TRPM6: variants seen among roughly 807,000 people sequenced by gnomAD.
The protein encoded by TRPM6 is transient receptor potential cation channel subfamily M member 6, also known as channel kinase 2.
A neutral mutation model predicts 247.6 loss-of-function variants in TRPM6; 111 were observed. That is an observed-to-expected ratio of 0.45 (90% confidence interval 0.38 to 0.52). The LOEUF is 0.52. Ranked by LOEUF, TRPM6 falls within the 20% of genes least tolerant of loss-of-function variation. The pLI is 0.00. For synonymous variants in TRPM6, 892 were observed against 853.8 expected (o/e 1.04, Z -0.78); for missense variants, 2,126 against 2,421.5 (o/e 0.88, Z 2.56).
At chr9:74,840,563 C>T (rs888924594) in intron 4 of TRPM6, among the ~76,000 whole-genome samples, 1 of 152,170 alleles carries the variant, frequency 6.6e-6, no homozygotes, top group African/African-American at 2.4e-5. Context: ...GCCTGTAATT[C>T]CAGCACTTCG....
intron 11 of TRPM6, among the ~76,000 whole-genome samples, chr9:74,813,269 T>C (rs1266845882): frequency 6.6e-6 from 1 of 152,196 alleles, no homozygotes; most frequent in Non-Finnish European, 1.5e-5. Flanking sequence ...GAGACAAGAA[T>C]GCAACATTTT....
At chr9:74,866,550 C>T (rs533890107) in intron 1 of TRPM6, among the ~76,000 whole-genome samples, 54 of 152,144 alleles carry the variant, frequency 3.5e-4, no homozygotes, top group African/African-American at 1.2e-3. Flanking sequence ...GGCGTGATCT[C>T]GGCTCACTGC....
intron 1 of TRPM6, among the ~76,000 whole-genome samples, chr9:74,878,012 C>T (rs1025413167): frequency 2.0e-5 from 3 of 152,122 alleles, no homozygotes; most frequent in Non-Finnish European, 2.9e-5. Context: ...ACCTGCCCCA[C>T]CCACCACAGT....
chr9:74,779,995 AACT>A (rs1827372515), intron 23 of TRPM6, among the ~76,000 whole-genome samples: 1 of 151,394 alleles, frequency 6.6e-6, no homozygotes, highest in Non-Finnish European at 1.5e-5. Context: ...AATATGGTGA[AACT>A]CTGTCTCTAC....
rs181629787 is a variant in TRPM6 at position 74,738,660 on chromosome 9, G to C, written c.5571-48C>G. 144 of 1,539,924 alleles carry C rather than the reference G, an allele frequency of 9.4e-5. No individual in the cohort carries two copies. In the African/African-American group the frequency reaches 1.8e-3, roughly 19 times the overall value. ...TGATCCCCCACAATACAGCAAAAGTGGGACTTACCTTACTGAGCAGTCATC... is the reference window on the plus strand; with the variant it reads ...TGATCCCCCACAATACAGCAAAAGTCGGACTTACCTTACTGAGCAGTCATC... On this transcript the variant is annotated intron_variant, in intron 35 of 38. Transcript: ENST00000360774.
In TRPM6 at chr9:74,724,275, C is replaced by T. The variant is rs1023678365; in HGVS notation, c.*338G>A. ...GAGAAAATAAAATAAATGTATCCCC[C>T]CCAACCCCATCCTTTAATGTGCAGG... On this transcript the variant is annotated 3_prime_UTR_variant, in exon 39 of 39. Coordinates refer to ENST00000360774, the MANE Select transcript of TRPM6 (RefSeq NM_017662.5). 5.3e-6 allele frequency: 2 copies of T among 377,944 alleles called. No homozygotes were observed. The highest frequency in any genetic ancestry group is 2.5e-5 in the South Asian group (1 of 39,806). The allele number at this position is 377,944 out of a possible 1,614,324, so 23.4% of individuals were successfully genotyped here.
Position 74,739,462 on chromosome 9 carries a change from G to A in TRPM6, c.5488-13C>T, listed in dbSNP as rs374901809. 2.5e-6 allele frequency: 4 copies of A among 1,610,836 alleles called. No individual in the cohort carries two copies. In the African/African-American group the frequency reaches 4.0e-5, roughly 16 times the overall value. ...GTTGTTGAATTTCCTACAAAATAGG[G>A]AGCACTGATAAAAATACTGATTTAC... On this transcript the variant is annotated splice_polypyrimidine_tract_variant and intron_variant, in intron 34 of 38. Transcript: ENST00000360774.
At chr9:74,751,228 C>A (rs1051746290) in intron 29 of TRPM6, among the ~76,000 whole-genome samples, 1 of 152,168 alleles carries the variant, frequency 6.6e-6, no homozygotes, top group African/African-American at 2.4e-5. Context: ...TCAATTATTT[C>A]CTGAGACTTA....
intron 6 of TRPM6, among the ~76,000 whole-genome samples, chr9:74,830,147 CA>C (rs1241649934): frequency 6.6e-6 from 1 of 151,594 alleles, no homozygotes; most frequent in Admixed American, 6.6e-5. Flanking sequence ...CAAAACAAAA[CA>C]AAAAAACTTG....
intron 32 of TRPM6, 77 bp from the exon 33 acceptor site, chr9:74,742,703 T>C: frequency 8.3e-7 from 1 of 1,203,526 alleles, no homozygotes; most frequent in Middle Eastern, 1.9e-4. Flanking sequence ...CACATCAATA[T>C]ATTCATATAA....
At position 74,810,888 on chromosome 9, in the gene TRPM6, G is replaced by T. The variant is rs369359626; in HGVS notation, c.1444-20C>A. The T allele has an allele frequency of 1.9e-6, 3 of 1,606,600 alleles. No homozygotes were observed. The highest frequency in any genetic ancestry group is 1.7e-6 in the Non-Finnish European group (2 of 1,173,584). On this transcript the variant is annotated intron_variant, in intron 12 of 38. Coordinates refer to ENST00000360774, the MANE Select transcript of TRPM6 (RefSeq NM_017662.5). ...TTGTTTCTGAAATAAAGAACAAAAG[G>T]AAGAATTATTCTCTTTAATTACCAT...
At chr9:74,811,399 A>T (rs1201127274) in intron 12 of TRPM6, among the ~76,000 whole-genome samples, 1 of 152,216 alleles carries the variant, frequency 6.6e-6, no homozygotes, top group Non-Finnish European at 1.5e-5. Flanking sequence ...TCAAGAAGAC[A>T]AGACTTGAAT....
chr9:74,824,427 C>CA, intron 7 of TRPM6, among the ~76,000 whole-genome samples: 1 of 142,786 alleles, frequency 7.0e-6, no homozygotes, highest in East Asian at 2.2e-4. Flanking sequence ...GCTGGGACTA[C>CA]AGGGGTGAGC....
intron 30 of TRPM6, among the ~76,000 whole-genome samples, chr9:74,749,690 T>C (rs77226854): frequency 1.3e-5 from 2 of 152,244 alleles, no homozygotes; most frequent in African/African-American, 2.4e-5. Context: ...ATCTTCAGCA[T>C]TTAAGGTCCT....
Position 74,812,425 on chromosome 9 carries a change from G to A in TRPM6, c.1317C>T (p.Ala439=). ...AAGCATCTGACATTGCTTGTTCCAG[G>A]GCATCAGGCTTCAGAAAGCACAAAT... The part of the protein sequence containing the change: ...LIYEQHWKPD[A]LEQAMSDALV... Residue 439 remains alanine (A), a synonymous_variant, in exon 12 of 39, where the codon GCC becomes GCT. Coordinates refer to ENST00000360774, the MANE Select transcript of TRPM6 (RefSeq NM_017662.5). The A allele has an allele frequency of 6.2e-7, 1 of 1,613,700 alleles. No individual in the cohort carries two copies. The highest frequency in any genetic ancestry group is 8.5e-7 in the Non-Finnish European group (1 of 1,179,912).
intron 17 of TRPM6, among the ~76,000 whole-genome samples, chr9:74,799,012 C>T (rs2118994297): frequency 6.6e-6 from 1 of 152,308 alleles, no homozygotes; most frequent in African/African-American, 2.4e-5. Context: ...ACTCCCTGAA[C>T]ATTGAACTTA....
At chr9:74,794,384 C>T (rs1024288105) in intron 18 of TRPM6, among the ~76,000 whole-genome samples, 3 of 152,002 alleles carry the variant, frequency 2.0e-5, no homozygotes, top group Non-Finnish European at 4.4e-5. Context: ...AGGCCTCGGG[C>T]ATCTAGATGG....
intron 1 of TRPM6, among the ~76,000 whole-genome samples, chr9:74,886,064 G>A (rs1314741481): frequency 6.6e-6 from 1 of 152,144 alleles, no homozygotes; most frequent in East Asian, 1.9e-4. Flanking sequence ...GGCAAGATAA[G>A]ACCAAAATTT....
At chr9:74,804,257 G>T (rs1240587980) in intron 14 of TRPM6, among the ~76,000 whole-genome samples, 1 of 152,116 alleles carries the variant, frequency 6.6e-6, no homozygotes, top group African/African-American at 2.4e-5. Flanking sequence ...GTTCTGATAA[G>T]AAAAAATTCC....
Sources: allele counts gnomAD v4.1 joint callset (sites outside exome capture counted in the v4.1 genomes callset), GRCh38; gene constraint gnomAD v4.1.1; transcripts MANE v1.5; gene names NCBI Gene and HGNC (gene_info 2026-07-23, HGNC 2026-07-21).